DSN1: variants seen among roughly 807,000 people sequenced by gnomAD.
DSN1 encodes the protein DSN1 component of MIS12 kinetochore complex.
In DSN1, 31 loss-of-function variants were observed where a neutral mutation model predicts 45.7. The observed-to-expected ratio is 0.68, with a 90% CI of 0.51 to 0.92. The LOEUF (loss-of-function observed/expected upper bound fraction) is 0.92. DSN1 is among the 40% of genes least tolerant of loss of function. The pLI is 0.00. For missense variants in DSN1, 394 were observed against 414.2 expected (o/e 0.95, Z 0.42); for synonymous variants, 134 against 142.3 (o/e 0.94, Z 0.41).
chr20:36,766,845 A>C lies in DSN1; in HGVS notation c.430-4T>G. On this transcript the variant is annotated splice_region_variant and splice_polypyrimidine_tract_variant and intron_variant, in intron 4 of 10. Transcript: ENST00000373750. ...GTTCAAGTTTCTGAATAGAGAACTA[A>C]ATAAAGAAAAGCATTTTTAGTACAA... The C allele has an allele frequency of 6.3e-7, 1 of 1,589,754 alleles. No homozygotes were observed. The highest frequency in any genetic ancestry group is 8.5e-7 in the Non-Finnish European group (1 of 1,172,716).
At chr20:36,753,739 G>A (rs1240983222) in intron 10 of DSN1, among the ~76,000 whole-genome samples, 1 of 151,930 alleles carries the variant, frequency 6.6e-6, no homozygotes, top group Non-Finnish European at 1.5e-5. Context: ...GGGAGCAGTG[G>A]CTCATGCCTG....
At chr20:36,758,288 T>C (rs1986783369) in intron 7 of DSN1, 127 bp from the exon 8 acceptor site, 2 of 920,802 alleles carry the variant, frequency 2.2e-6, no homozygotes, top group East Asian at 5.3e-5. Context: ...CATTACAGGG[T>C]TAGAAAGCCT....
intron 5 of DSN1, among the ~76,000 whole-genome samples, chr20:36,764,630 G>A (rs1314585041): frequency 1.3e-5 from 2 of 152,098 alleles, no homozygotes; most frequent in Admixed American, 1.3e-4. Flanking sequence ...TTTTAAAAAC[G>A]AACATGAGGC....
chr20:36,770,952 C>T lies in DSN1; in HGVS notation c.276G>A (p.Arg92=). The T allele has an allele frequency of 6.2e-7, 1 of 1,614,192 alleles. No homozygotes were observed. Among genetic ancestry groups the T allele is most frequent in the Non-Finnish European group, 8.5e-7 (1 of 1,180,036 alleles). ...TACTTGCTCGCCGCCAGGATTGCCT[C>T]CTGTCTTGATAACTGGCAGATTGTT... is the stretch of plus-strand genomic sequence containing the variant. ...PQEQSASYQD[R]RQSWRRASMK... The change falls in exon 3 of 11, where the codon AGG becomes AGA. Residue 92 remains arginine (R), a synonymous_variant. Coordinates refer to ENST00000373750, the MANE Select transcript of DSN1 (RefSeq NM_001145315.2).
At chr20:36,766,194 CAAAAA>C (rs368772931) in intron 5 of DSN1, among the ~76,000 whole-genome samples, 4 of 48,032 alleles carry the variant, frequency 8.3e-5, no homozygotes, top group Non-Finnish European at 1.8e-4. Flanking sequence ...GACTCCATCT[CAAAAA>C]AAAAAAAAAA....
At chr20:36,772,551 A>G (rs1213643180) in intron 1 of DSN1, among the ~76,000 whole-genome samples, 2 of 152,040 alleles carry the variant, frequency 1.3e-5, no homozygotes, top group Non-Finnish European at 2.9e-5. Context: ...CAGCCTCCCA[A>G]AGTGCTGGGA....
Position 36,766,758 on chromosome 20 carries a change from T to C in DSN1, c.502+11A>G, listed in dbSNP as rs370237635. Reference sequence around the variant, plus strand: ...CCAGGGTCAAAGCTCACTCATCTGTTAGCAACTTACCTTTGGCTCTAAAAC... The same window carrying C: ...CCAGGGTCAAAGCTCACTCATCTGTCAGCAACTTACCTTTGGCTCTAAAAC... On this transcript the variant is annotated intron_variant, in intron 5 of 10. Transcript: ENST00000373750. The C allele has an allele frequency of 2.5e-5, 41 of 1,608,448 alleles. No individual in the cohort carries two copies. In the African/African-American group the frequency reaches 5.1e-4, roughly 20 times the overall value.
chr20:36,760,061 T>C (rs1389372372), intron 6 of DSN1, among the ~76,000 whole-genome samples: 1 of 151,358 alleles, frequency 6.6e-6, no homozygotes, highest in Non-Finnish European at 1.5e-5. Context: ...CTGGCCAACA[T>C]GGTGAAACCC....
Position 36,758,121 on chromosome 20 carries a change from GAAGCA to G in DSN1, c.686_690del (p.Leu229SerfsTer7). On this transcript the variant is annotated frameshift_variant, in exon 8 of 11. Transcript: ENST00000373750. LOFTEE classifies it high-confidence loss of function. ...ATCTCTTTAGCCTCCTGCTGGTAGT[GAAGCA>G]AGAGCTGATCCCAAGTCTGACGTTC... The G allele has an allele frequency of 6.2e-7, 1 of 1,614,086 alleles. No individual in the cohort carries two copies. Among genetic ancestry groups the G allele is most frequent in the Non-Finnish European group, 8.5e-7 (1 of 1,179,988 alleles).
chr20:36,758,487 AT>A, intron 7 of DSN1, 70 bp downstream of exon 7: 1 of 1,360,154 alleles, frequency 7.4e-7, no homozygotes, highest in Non-Finnish European at 1.0e-6. Context: ...CTTACTATTC[AT>A]TTTTTCCAAG....
chr20:36,768,274 C>T (rs1987457510), intron 3 of DSN1, among the ~76,000 whole-genome samples: 3 of 152,024 alleles, frequency 2.0e-5, no homozygotes, highest in Admixed American at 1.3e-4. Context: ...TGGGCAGGTA[C>T]GATGCTCATG....
chr20:36,755,421 G>T (rs1453970738), intron 9 of DSN1, among the ~76,000 whole-genome samples: 1 of 151,986 alleles, frequency 6.6e-6, no homozygotes, highest in African/African-American at 2.4e-5. Flanking sequence ...CCTCAGAGGA[G>T]CCTTCAATAA....
At chr20:36,760,917 A>G (rs932035984) in intron 6 of DSN1, among the ~76,000 whole-genome samples, 16 of 152,098 alleles carry the variant, frequency 1.1e-4, no homozygotes, top group African/African-American at 3.9e-4. Context: ...AAGAGATGCT[A>G]CTTTAAACTA....
chr20:36,752,890 T>G lies in DSN1; in HGVS notation c.969A>C (p.Arg323Ser). Residue 323 changes from arginine (R) to serine (S), a missense_variant, in exon 11 of 11, where the codon AGA becomes AGC. By Grantham distance (110) the Arg-to-Ser change is moderately radical. Coordinates refer to ENST00000373750, the MANE Select transcript of DSN1 (RefSeq NM_001145315.2). ...GTGAGGGATCTAATTGTTGCATGCT[T>G]CTCTTTCCTGCAGAGAAAAGAGGCC... ...FQKVSVQLGK[R>S]SMQQLDPSPA... 1 of 1,613,856 alleles carries G rather than the reference T, an allele frequency of 6.2e-7. No homozygotes were observed. The highest frequency in any genetic ancestry group is 8.5e-7 in the Non-Finnish European group (1 of 1,179,846).
At chr20:36,754,948 G>T in intron 9 of DSN1, 98 bp from the exon 10 acceptor site, 1 of 1,009,930 alleles carries the variant, frequency 9.9e-7, no homozygotes, top group Non-Finnish European at 1.5e-6. Flanking sequence ...CTCTGGGCTT[G>T]CTGTTCTTTC....
intron 1 of DSN1, chr20:36,773,388 C>T (rs878988546): frequency 1.0e-6 from 1 of 985,570 alleles, no homozygotes; most frequent in Non-Finnish European, 1.2e-6. Flanking sequence ...TCTACCCAGT[C>T]CTCACCCCTG....
intron 5 of DSN1, among the ~76,000 whole-genome samples, chr20:36,766,194 C>CAAAAAAAAA (rs368772931): frequency 2.1e-5 from 1 of 48,030 alleles, no homozygotes. Context: ...GACTCCATCT[C>CAAAAAAAAA]AAAAAAAAAA....
intron 1 of DSN1, among the ~76,000 whole-genome samples, chr20:36,772,585 C>A (rs1331997464): frequency 6.6e-6 from 1 of 152,192 alleles, no homozygotes; most frequent in Admixed American, 6.5e-5. Context: ...CCACCACACC[C>A]GGCCCAGTCT....
At chr20:36,767,896 C>T in intron 4 of DSN1, 73 bp downstream of exon 4, 1 of 1,467,350 alleles carries the variant, frequency 6.8e-7, no homozygotes, top group South Asian at 1.1e-5. Context: ...AGTCAGGCTC[C>T]ATCTAAAAAC....
Sources: gnomAD v4.1 joint callset for allele counts (sites outside exome capture counted in the v4.1 genomes callset) on GRCh38, gnomAD v4.1.1 for gene constraint, MANE v1.5 for transcripts, NCBI Gene and HGNC (gene_info 2026-07-23, HGNC 2026-07-21) for gene names.